RFX6: variants seen among roughly 807,000 people sequenced by gnomAD.
RFX6 encodes DNA-binding protein RFX6.
A neutral mutation model predicts 110.8 loss-of-function variants in RFX6; 50 were observed. The observed-to-expected ratio is 0.45, with a 90% confidence interval of 0.36 to 0.57. The LOEUF (loss-of-function observed/expected upper bound fraction) is 0.57. RFX6 is among the 20% of genes least tolerant of loss of function. The pLI, the probability that RFX6 is intolerant of heterozygous loss-of-function variation, is 0.00. For synonymous variants in RFX6, 383 were observed against 411.2 expected, an observed-to-expected ratio of 0.93 and a Z score of 0.83; for missense variants, 990 against 1,127.0, an observed-to-expected ratio of 0.88 and a Z score of 1.74.
At chr6:116,917,955 TA>T in intron 9 of RFX6, 81 bp from the exon 10 acceptor site, 4 of 934,354 alleles carry the variant, frequency 4.3e-6, no homozygotes, top group Non-Finnish European at 5.2e-6. Flanking sequence ...AAGCTAGGAA[TA>T]AAAAGTAGTT....
intron 4 of RFX6, among the ~76,000 whole-genome samples, chr6:116,893,254 A>G (rs933308812): frequency 2.0e-5 from 3 of 152,186 alleles, no homozygotes; most frequent in Non-Finnish European, 4.4e-5. Context: ...TAGCATGTGT[A>G]TAATATTTGT....
intron 7 of RFX6, among the ~76,000 whole-genome samples, chr6:116,915,176 C>A (rs1008598472): frequency 6.6e-6 from 1 of 152,084 alleles, no homozygotes; most frequent in South Asian, 2.1e-4. Flanking sequence ...TAGCCTATTG[C>A]AAATTTTAGA....
chr6:116,899,031 TCA>T (rs1487317215), intron 6 of RFX6, among the ~76,000 whole-genome samples: 1 of 152,200 alleles, frequency 6.6e-6, no homozygotes, highest in East Asian at 1.9e-4. Context: ...CTTAATTTTC[TCA>T]CAGATTTATT....
rs1163622236 is a variant in RFX6, at chr6:116,880,681, A to G, written c.504+14A>G. The G allele has an allele frequency of 6.2e-6, 10 of 1,613,138 alleles. No individual in the cohort carries two copies. The highest frequency in any genetic ancestry group is 8.5e-6 in the Non-Finnish European group (10 of 1,179,200). On this transcript the variant is annotated intron_variant, in intron 3 of 18. Coordinates refer to ENST00000332958, the MANE Select transcript of RFX6 (RefSeq NM_173560.4). ...ACCTTTGGAAAGGTAAATGACACGTATTGGCTATAGTGACTTATAACTAAA... is the reference window on the plus strand; with the variant it reads ...ACCTTTGGAAAGGTAAATGACACGTGTTGGCTATAGTGACTTATAACTAAA...
intron 6 of RFX6, among the ~76,000 whole-genome samples, chr6:116,909,466 T>C (rs983548903): frequency 2.6e-5 from 4 of 151,946 alleles, no homozygotes; most frequent in Admixed American, 6.6e-5. Context: ...GACAGTAACA[T>C]TCCTTGACAG....
At chr6:116,914,715 A>G (rs1444006425) in intron 7 of RFX6, among the ~76,000 whole-genome samples, 1 of 152,194 alleles carries the variant, frequency 6.6e-6, no homozygotes, top group Admixed American at 6.5e-5. Flanking sequence ...GTGGGAATAA[A>G]GGGAAATGCA....
At chr6:116,900,971 G>A (rs1775059079) in intron 6 of RFX6, among the ~76,000 whole-genome samples, 1 of 152,142 alleles carries the variant, frequency 6.6e-6, no homozygotes, top group East Asian at 1.9e-4. Flanking sequence ...TTGTGATGGT[G>A]TGAAAGGGAT....
rs1220624870 is a variant in RFX6 at position 116,931,361 on chromosome 6, C to T, written c.2642C>T (p.Ser881Phe). ...AGTTTGCAAACCCCAATTCCTTCTT[C>T]CTCATCCCAATGTATGTATGGAACT... The part of the protein sequence containing the change: ...ASSLQTPIPS[S>F]SSQCMYGTSN... The change falls in exon 19 of 19, where the codon TCC (serine) becomes TTC (phenylalanine). Residue 881 changes from serine (S) to phenylalanine (F), a missense_variant. Ser to Phe is a radical substitution (Grantham distance 155). Coordinates refer to ENST00000332958, the MANE Select transcript of RFX6 (RefSeq NM_173560.4). 1.2e-6 allele frequency: 2 copies of T among 1,613,346 alleles called. 1 individual carries two copies. The highest frequency in any genetic ancestry group is 2.2e-5 in the South Asian group (2 of 91,074).
rs1313075284 is a variant in RFX6 at position 116,919,303 on chromosome 6, T to C, written c.1182+7T>C. The C allele has an allele frequency of 6.2e-7, 1 of 1,612,574 alleles. No homozygotes were observed. ...TTTCTTACATCTTGCCCAGGTATGT[T>C]GGTTGCTAAGTCGAGAGCATTTGAG... is the stretch of plus-strand genomic sequence containing the variant. On this transcript the variant is annotated splice_region_variant and intron_variant, in intron 11 of 18. Coordinates refer to ENST00000332958, the MANE Select transcript of RFX6 (RefSeq NM_173560.4).
chr6:116,911,057 T>C lies in RFX6; in HGVS notation c.780+15T>C. On this transcript the variant is annotated intron_variant, in intron 7 of 18. Transcript: ENST00000332958. ...CTAAGGACAAGGTATCAATTACAGATACTTCTCTATTGATTTTCTGATATG... is the reference window on the plus strand; with the variant it reads ...CTAAGGACAAGGTATCAATTACAGACACTTCTCTATTGATTTTCTGATATG... 6.7e-7 allele frequency: 1 copy of C among 1,493,208 alleles called. No homozygotes were observed. The highest frequency in any genetic ancestry group is 9.3e-7 in the Non-Finnish European group (1 of 1,069,864). 92.5% of individuals were successfully genotyped at this position (1,493,208 alleles called of 1,614,324 possible). A position where few individuals can be genotyped will look rare whatever the true frequency, so the allele number is the denominator to read the frequency against.
At chr6:116,927,766 A>G (rs1190181300) in intron 17 of RFX6, among the ~76,000 whole-genome samples, 1 of 81,756 alleles carries the variant, frequency 1.2e-5, no homozygotes, top group African/African-American at 5.6e-5. Context: ...TTTTTTTGAG[A>G]CAAGGTCTTA....
At chr6:116,890,243 T>G (rs1305061610) in intron 4 of RFX6, among the ~76,000 whole-genome samples, 1 of 152,154 alleles carries the variant, frequency 6.6e-6, no homozygotes, top group African/African-American at 2.4e-5. Context: ...TGAATGTCTG[T>G]TTTGGAATGG....
At chr6:116,899,304 A>AT (rs1268363279) in intron 6 of RFX6, among the ~76,000 whole-genome samples, 1 of 152,184 alleles carries the variant, frequency 6.6e-6, no homozygotes, top group Non-Finnish European at 1.5e-5. Flanking sequence ...TATAATGAAA[A>AT]TTTGAGTGGG....
At chr6:116,894,584 C>T (rs1271082503) in intron 5 of RFX6, among the ~76,000 whole-genome samples, 1 of 152,076 alleles carries the variant, frequency 6.6e-6, no homozygotes, top group African/African-American at 2.4e-5. Flanking sequence ...TGAAAATAAA[C>T]AGCACATTGC....
At chr6:116,898,195 T>A (rs1325274181) in intron 6 of RFX6, among the ~76,000 whole-genome samples, 1 of 152,180 alleles carries the variant, frequency 6.6e-6, no homozygotes, top group Admixed American at 6.5e-5. Flanking sequence ...TAAGTGGAGA[T>A]AACTAATGAT....
chr6:116,931,415 T>C lies in RFX6; in HGVS notation c.2696T>C (p.Leu899Pro). 6.2e-7 allele frequency: 1 copy of C among 1,612,290 alleles called. No homozygotes were observed. The highest frequency in any genetic ancestry group is 8.5e-7 in the Non-Finnish European group (1 of 1,178,368). The change falls in exon 19 of 19, where the codon CTG (leucine) becomes CCG (proline). Residue 899 changes from leucine (L) to proline (P), a missense_variant. Physicochemically the swap from Leu to Pro is moderately conservative, Grantham distance 98 (BLOSUM62 -3). Around this residue, in one of 5 missense-constraint regions of RFX6, gnomAD observed 438 missense variants for 441.9 expected, o/e 0.99. Coordinates refer to ENST00000332958, the MANE Select transcript of RFX6 (RefSeq NM_173560.4). ...AACCAGTATCCAGCTCAAGAAACCCTGGACTCCCATGGAACAAGCAGTAGA... is the reference window on the plus strand; with the variant it reads ...AACCAGTATCCAGCTCAAGAAACCCCGGACTCCCATGGAACAAGCAGTAGA... ...TSNQYPAQET[L>P]DSHGTSSREM...
intron 16 of RFX6, 88 bp downstream of exon 16, chr6:116,925,747 G>T (rs538552085): frequency 3.1e-4 from 263 of 843,034 alleles, no homozygotes; most frequent in Non-Finnish European, 4.8e-4. Flanking sequence ...TTCCAGTCCA[G>T]GAATTCCAAC....
At chr6:116,882,311 G>A in intron 3 of RFX6, 56 bp from the exon 4 acceptor site, 1 of 1,264,104 alleles carries the variant, frequency 7.9e-7, no homozygotes, top group South Asian at 1.2e-5. Context: ...GCTATGAGTG[G>A]CTTGCATTAG....
intron 6 of RFX6, among the ~76,000 whole-genome samples, chr6:116,910,100 A>G (rs28393528): frequency 5.9e-5 from 9 of 152,172 alleles, no homozygotes; most frequent in Non-Finnish European, 1.2e-4. Flanking sequence ...TGTCCTTGCC[A>G]GGGACACTTT....
Sources: gnomAD v4.1 joint callset for allele counts (sites outside exome capture counted in the v4.1 genomes callset) on GRCh38, gnomAD v4.1.1 for gene constraint, gnomAD v4.1.1 regional missense constraint, MANE v1.5 for transcripts, NCBI Gene and HGNC (gene_info 2026-07-23, HGNC 2026-07-21) for gene names.